ATRNL1: variants seen among roughly 807,000 people sequenced by gnomAD.
The protein encoded by ATRNL1 is attractin-like protein 1.
A neutral mutation model predicts 182.7 loss-of-function variants in ATRNL1; 95 were observed. The ratio of observed to expected loss-of-function variants is 0.52; its 90% CI spans 0.44 to 0.62. The LOEUF (loss-of-function observed/expected upper bound fraction) is 0.62. Among genes scored for constraint, ATRNL1 ranks in the 20% least tolerant of loss-of-function variants. The pLI is 0.00. For synonymous variants in ATRNL1, 576 were observed against 568.3 expected (o/e 1.01, Z -0.19); for missense variants, 1,471 against 1,679.5 (o/e 0.88, Z 2.17).
At chr10:115,407,359 A>G (rs1844881007) in intron 20 of ATRNL1, among the ~76,000 whole-genome samples, 1 of 149,398 alleles carries the variant, frequency 6.7e-6, no homozygotes, top group Non-Finnish European at 1.5e-5. Context: ...ATATGCTTTA[A>G]CAAATCTCTC....
At chr10:115,421,778 T>G (rs1554961966) in intron 20 of ATRNL1, among the ~76,000 whole-genome samples, 1 of 152,100 alleles carries the variant, frequency 6.6e-6, no homozygotes, top group Non-Finnish European at 1.5e-5. Context: ...GGATACCATG[T>G]TAATTGACTT....
chr10:115,569,859 G>A (rs1854289820), intron 26 of ATRNL1, among the ~76,000 whole-genome samples: 2 of 151,830 alleles, frequency 1.3e-5, no homozygotes, highest in South Asian at 4.2e-4. Context: ...ATAAGAAACA[G>A]AAGTATATCT....
intron 28 of ATRNL1, among the ~76,000 whole-genome samples, chr10:115,856,440 A>AAAAAAAAAAAAAAAAAAAAAAC: frequency 6.9e-6 from 1 of 145,206 alleles, no homozygotes. Flanking sequence ...AAAAAAAAAA[A>AAAAAAAAAAAAAAAAAAAAAAC]AAAAAAAAAA....
Position 115,549,598 on chromosome 10 carries a change from G to A in ATRNL1, c.3795+62G>A, listed in dbSNP as rs180784662. 3.6e-4 allele frequency: 408 copies of A among 1,134,782 alleles called. 6 individuals are homozygous for A. In the African/African-American group the frequency reaches 4.9e-3, roughly 14 times the overall value. The allele number at this position is 1,134,782 out of a possible 1,614,324, so 70.3% of individuals were successfully genotyped here. On this transcript the variant is annotated intron_variant, in intron 26 of 28. Transcript: ENST00000355044. ...TTAAGCAAATATATGGATCTCTATT[G>A]TCTGTTAATTACCATGCTCTCTTGG...
chr10:115,468,568 T>C (rs1848165899), intron 23 of ATRNL1, among the ~76,000 whole-genome samples: 1 of 92,006 alleles, frequency 1.1e-5, no homozygotes, highest in African/African-American at 3.8e-5. Flanking sequence ...TCAGTAAATA[T>C]TTATTCAGCA....
chr10:115,569,501 G>A (rs925035501), intron 26 of ATRNL1, among the ~76,000 whole-genome samples: 3 of 152,116 alleles, frequency 2.0e-5, no homozygotes, highest in Non-Finnish European at 4.4e-5. Context: ...TCAAACTTTG[G>A]ATTTTTGCTA....
At chr10:115,451,314 A>G (rs1847269230) in intron 21 of ATRNL1, among the ~76,000 whole-genome samples, 1 of 152,160 alleles carries the variant, frequency 6.6e-6, no homozygotes, top group African/African-American at 2.4e-5. Flanking sequence ...AACTATCAAC[A>G]GAAACTATCA....
At chr10:115,237,709 G>C (rs901242014) in intron 9 of ATRNL1, among the ~76,000 whole-genome samples, 1 of 152,106 alleles carries the variant, frequency 6.6e-6, no homozygotes, top group African/African-American at 2.4e-5. Context: ...TTTCACTGAG[G>C]AGAGGTTTTT....
intron 24 of ATRNL1, among the ~76,000 whole-genome samples, chr10:115,518,128 A>T (rs1234569317): frequency 5.9e-5 from 9 of 151,900 alleles, no homozygotes; most frequent in African/African-American, 2.2e-4. Context: ...TGCCATTTAA[A>T]TTCCTTAGTG....
intron 24 of ATRNL1, among the ~76,000 whole-genome samples, chr10:115,512,022 G>A (rs1265441749): frequency 6.6e-6 from 1 of 151,778 alleles, no homozygotes; most frequent in Non-Finnish European, 1.5e-5. Context: ...GAATTACAAA[G>A]GTGCATTTAT....
chr10:115,599,747 T>C (rs1555015338), intron 26 of ATRNL1, among the ~76,000 whole-genome samples: 1 of 152,092 alleles, frequency 6.6e-6, no homozygotes, highest in African/African-American at 2.4e-5. Flanking sequence ...AAAGATGCTT[T>C]AGAACTCCCA....
chr10:115,161,371 T>A (rs1341529862), intron 6 of ATRNL1, among the ~76,000 whole-genome samples: 1 of 151,722 alleles, frequency 6.6e-6, no homozygotes, highest in Non-Finnish European at 1.5e-5. Flanking sequence ...TGAAAGAGAG[T>A]TGGTGGGATT....
chr10:115,123,009 T>TG (rs1554872213), intron 3 of ATRNL1, among the ~76,000 whole-genome samples: 1 of 152,216 alleles, frequency 6.6e-6, no homozygotes, highest in Non-Finnish European at 1.5e-5. Flanking sequence ...ATCATTTAGA[T>TG]GTGTGCCTGT....
At chr10:115,254,780 A>C (rs1454013271) in intron 10 of ATRNL1, among the ~76,000 whole-genome samples, 1 of 152,126 alleles carries the variant, frequency 6.6e-6, no homozygotes, top group Non-Finnish European at 1.5e-5. Context: ...TCTAACATTT[A>C]AGTCTTTAAT....
At chr10:115,302,823 T>C (rs1853540990) in intron 17 of ATRNL1, among the ~76,000 whole-genome samples, 2 of 139,464 alleles carry the variant, frequency 1.4e-5, no homozygotes, top group Admixed American at 1.4e-4. Context: ...GTTAGCCTTG[T>C]AGGAACTTAA....
intron 28 of ATRNL1, among the ~76,000 whole-genome samples, chr10:115,910,347 T>G (rs782491532): frequency 1.3e-5 from 2 of 152,148 alleles, no homozygotes; most frequent in Non-Finnish European, 2.9e-5. Context: ...TCTGAGTGGA[T>G]GAATTTTTAA....
intron 26 of ATRNL1, among the ~76,000 whole-genome samples, chr10:115,661,981 A>G (rs1182652855): frequency 7.9e-6 from 1 of 127,024 alleles, no homozygotes; most frequent in Non-Finnish European, 1.6e-5. Context: ...TCCTGTGTCC[A>G]TGTGTCCTCA....
chr10:115,631,123 A>G (rs1388548187), intron 26 of ATRNL1, among the ~76,000 whole-genome samples: 1 of 152,050 alleles, frequency 6.6e-6, no homozygotes, highest in African/African-American at 2.4e-5. Flanking sequence ...TTCATATACT[A>G]GAATGACTAT....
intron 27 of ATRNL1, among the ~76,000 whole-genome samples, chr10:115,784,958 A>T (rs1949359643): frequency 6.6e-6 from 1 of 152,152 alleles, no homozygotes; most frequent in African/African-American, 2.4e-5. Context: ...GTTCTATTTC[A>T]TGTGCAAAAT....
Sources: gnomAD v4.1 joint callset for allele counts (sites outside exome capture counted in the v4.1 genomes callset) on GRCh38, gnomAD v4.1.1 for gene constraint, MANE v1.5 for transcripts, NCBI Gene and HGNC (gene_info 2026-07-23, HGNC 2026-07-21) for gene names.